LDLRAD3: variants seen among roughly 807,000 people sequenced by gnomAD.
The protein encoded by LDLRAD3 is low-density lipoprotein receptor class A domain-containing protein 3.
In LDLRAD3, 20 loss-of-function variants were observed where a neutral mutation model predicts 29.4. The observed-to-expected ratio is 0.68, with a 90% CI of 0.48 to 0.99. The LOEUF is 0.99. Among genes scored for constraint, LDLRAD3 ranks in the 50% least tolerant of loss-of-function variants. The probability of loss-of-function intolerance (pLI) is 0.00; values close to 1 mark genes in which losing one functional copy is unlikely to be tolerated. For synonymous variants in LDLRAD3, 157 were observed against 192.7 expected (o/e 0.81, Z 1.53); for missense variants, 420 against 454.3 (o/e 0.92, Z 0.69).
intron 4 of LDLRAD3, among the ~76,000 whole-genome samples, chr11:36,124,597 A>G (rs1853808166): frequency 1.3e-5 from 2 of 152,078 alleles, no homozygotes; most frequent in South Asian, 4.1e-4. Context: ...CCTTTACCAC[A>G]GACTACATAC....
intron 2 of LDLRAD3, among the ~76,000 whole-genome samples, chr11:36,053,056 A>G (rs1852551132): frequency 6.6e-6 from 1 of 151,922 alleles, no homozygotes; most frequent in Non-Finnish European, 1.5e-5. Flanking sequence ...AAAGGGAGAA[A>G]GGAGAGCACC....
intron 1 of LDLRAD3, among the ~76,000 whole-genome samples, chr11:35,996,398 A>C (rs1372931920): frequency 6.6e-6 from 1 of 152,172 alleles, no homozygotes; most frequent in Admixed American, 6.5e-5. Flanking sequence ...AGGTGCCCCA[A>C]AATGTTTGCA....
intron 1 of LDLRAD3, among the ~76,000 whole-genome samples, chr11:36,015,097 T>C (rs2133191745): frequency 6.6e-6 from 1 of 152,354 alleles, no homozygotes; most frequent in Middle Eastern, 3.4e-3. Context: ...ATGTAGACTT[T>C]TCTGCATGCA....
rs773189422 is a variant in LDLRAD3 at position 36,081,719 on chromosome 11, G to T, written c.260G>T (p.Gly87Val). The T allele has an allele frequency of 6.2e-7, 1 of 1,614,202 alleles. No individual in the cohort carries two copies. The highest frequency in any genetic ancestry group is 1.1e-5 in the South Asian group (1 of 91,078). ...PCASGIHCIIGRFRCNGFEDC... is the reference protein window; with the variant it reads ...PCASGIHCIIVRFRCNGFEDC... ...GCCAGCGGCATCCATTGCATCATTG[G>T]TCGCTTCCGGTGCAATGGGTTTGAG... Residue 87 changes from glycine (G) to valine (V), a missense_variant, in exon 3 of 6, where the codon GGT becomes GTT. Around this residue, in one of 3 missense-constraint regions of LDLRAD3, gnomAD observed 224 missense variants for 222.2 expected, o/e 1.01. Coordinates refer to ENST00000315571, the MANE Select transcript of LDLRAD3 (RefSeq NM_174902.4).
At chr11:36,120,964 A>G (rs1853747215) in intron 4 of LDLRAD3, among the ~76,000 whole-genome samples, 1 of 152,118 alleles carries the variant, frequency 6.6e-6, no homozygotes, top group Non-Finnish European at 1.5e-5. Context: ...CCCTAATTCT[A>G]CCAGGACTTT....
chr11:36,022,757 C>A (rs983275889), intron 1 of LDLRAD3, among the ~76,000 whole-genome samples: 4 of 152,180 alleles, frequency 2.6e-5, no homozygotes, highest in African/African-American at 9.7e-5. Context: ...TCATAAGCTA[C>A]CTTTTCATAG....
chr11:36,195,444 T>C (rs1390791496), intron 4 of LDLRAD3, among the ~76,000 whole-genome samples: 2 of 152,244 alleles, frequency 1.3e-5, no homozygotes, highest in African/African-American at 4.8e-5. Flanking sequence ...TCCCCTGTTA[T>C]TGGCCATTTA....
intron 4 of LDLRAD3, chr11:36,196,313 A>G (rs1246295849): frequency 6.6e-6 from 1 of 152,210 alleles, no homozygotes; most frequent in African/African-American, 2.4e-5. Flanking sequence ...AGAGAGAAAG[A>G]GAGAAAGCTC....
At chr11:36,214,239 C>T (rs1317793045) in intron 4 of LDLRAD3, among the ~76,000 whole-genome samples, 2 of 152,062 alleles carry the variant, frequency 1.3e-5, no homozygotes, top group African/African-American at 4.8e-5. Flanking sequence ...ATGATGAGGG[C>T]GTGGGACTTG....
chr11:36,098,659 A>G (rs1257649038), intron 4 of LDLRAD3, among the ~76,000 whole-genome samples, 198 bp downstream of exon 4: 4 of 152,166 alleles, frequency 2.6e-5, no homozygotes, highest in African/African-American at 4.8e-5. Flanking sequence ...TACCATTTTG[A>G]ATTTTGTATT....
intron 4 of LDLRAD3, among the ~76,000 whole-genome samples, chr11:36,208,715 T>C (rs188543052): frequency 3.2e-4 from 49 of 152,264 alleles, no homozygotes; most frequent in African/African-American, 1.1e-3. Flanking sequence ...AAAGCAAATC[T>C]TCCTTATAGA....
chr11:36,149,702 G>C (rs1412338623), intron 4 of LDLRAD3, among the ~76,000 whole-genome samples: 1 of 152,230 alleles, frequency 6.6e-6, no homozygotes, highest in Admixed American at 6.5e-5. Flanking sequence ...TGGTAATTGG[G>C]TAGAAAACCA....
chr11:36,101,975 G>A (rs1165216254), intron 4 of LDLRAD3: 15 of 229,256 alleles, frequency 6.5e-5, no homozygotes, highest in South Asian at 6.0e-4. Flanking sequence ...TGCAAGCTCC[G>A]CCTCCCAGGT....
At chr11:36,129,864 A>G (rs1429121271) in intron 4 of LDLRAD3, among the ~76,000 whole-genome samples, 1 of 151,830 alleles carries the variant, frequency 6.6e-6, no homozygotes, top group Admixed American at 6.6e-5. Context: ...TCCCTGCTAT[A>G]TTTTTCTCTG....
At chr11:35,999,593 A>T (rs540514330) in intron 1 of LDLRAD3, among the ~76,000 whole-genome samples, 1 of 151,920 alleles carries the variant, frequency 6.6e-6, no homozygotes, top group Admixed American at 6.6e-5. Flanking sequence ...CATGTCCACG[A>T]CCTGCCCAAT....
chr11:36,052,215 C>G (rs1354755662), intron 2 of LDLRAD3, among the ~76,000 whole-genome samples: 2 of 152,132 alleles, frequency 1.3e-5, no homozygotes, highest in Non-Finnish European at 2.9e-5. Flanking sequence ...GTTTGGTGGC[C>G]TCAAAAGCAA....
intron 4 of LDLRAD3, among the ~76,000 whole-genome samples, chr11:36,154,037 G>A (rs1854311712): frequency 6.6e-6 from 1 of 152,148 alleles, no homozygotes; most frequent in Admixed American, 6.5e-5. Flanking sequence ...AAGGCCAGAA[G>A]CCTCGGGTTC....
intron 4 of LDLRAD3, among the ~76,000 whole-genome samples, chr11:36,128,117 C>CACATATATATAT (rs1853865017): frequency 1.0e-5 from 1 of 98,954 alleles, no homozygotes; most frequent in African/African-American, 3.3e-5. Context: ...GTTGTTTTTA[C>CACATATATATAT]ATATATATAT....
At chr11:36,097,632 T>C (rs926337356) in intron 3 of LDLRAD3, among the ~76,000 whole-genome samples, 1 of 151,924 alleles carries the variant, frequency 6.6e-6, no homozygotes, top group African/African-American at 2.4e-5. Flanking sequence ...GGGAGGAAGA[T>C]AAAGAGATGA....
Sources: allele counts gnomAD v4.1 joint callset (sites outside exome capture counted in the v4.1 genomes callset), GRCh38; gene constraint gnomAD v4.1.1; regional missense constraint gnomAD v4.1.1; transcripts MANE v1.5; gene names NCBI Gene and HGNC (gene_info 2026-07-23, HGNC 2026-07-21).